Variants in TOP6BL observed in about 807,000 individuals in gnomAD.
TOP6BL encodes the protein type 2 DNA topoisomerase 6 subunit B-like.
the TOP6BL span, chr11:66,800,598 C>T: frequency 6.7e-7 from 1 of 1,497,412 alleles, no homozygotes; most frequent in Non-Finnish European, 9.1e-7. Context: ...TAATCTGTAT[C>T]TTGGCTCATG....
the TOP6BL span, chr11:66,748,407 A>G: frequency 1.0e-5 from 16 of 1,540,588 alleles, no homozygotes; most frequent in Non-Finnish European, 1.4e-5. Context: ...ATTCACTGGA[A>G]GTGTGACATA....
At chr11:66,754,379 CA>C in the TOP6BL span, among the ~76,000 whole-genome samples, 6 of 152,138 alleles carry the variant, frequency 3.9e-5, no homozygotes, top group African/African-American at 1.4e-4. Context: ...ACTTTCTAGG[CA>C]TTATCTTTTT....
chr11:66,824,200 T>C, the TOP6BL span, among the ~76,000 whole-genome samples: 1 of 152,140 alleles, frequency 6.6e-6, no homozygotes, highest in South Asian at 2.1e-4. Context: ...GAGAGGTGAT[T>C]TAGGTCATTA....
At chr11:66,764,023 C>T in the TOP6BL span, among the ~76,000 whole-genome samples, 6 of 152,170 alleles carry the variant, frequency 3.9e-5, no homozygotes, top group Admixed American at 3.3e-4. Context: ...CCTTGTGCTC[C>T]ACTTAAAGGT....
At chr11:66,762,267 C>A in the TOP6BL span, 1 of 512,104 alleles carries the variant, frequency 2.0e-6, no homozygotes, top group East Asian at 3.7e-5. Flanking sequence ...GCAAACTGAG[C>A]AGCCTGAAGG....
At chr11:66,817,493 C>T in the TOP6BL span, among the ~76,000 whole-genome samples, 2 of 152,112 alleles carry the variant, frequency 1.3e-5, no homozygotes, top group African/African-American at 4.8e-5. Context: ...GGCTGGAGTG[C>T]AATAGCGTGA....
the TOP6BL span, among the ~76,000 whole-genome samples, chr11:66,745,272 G>A: frequency 7.3e-6 from 1 of 137,118 alleles, no homozygotes; most frequent in East Asian, 2.5e-4. Context: ...GGCGCGGAAA[G>A]AAGGAAAGGA....
chr11:66,754,875 C>G, the TOP6BL span, among the ~76,000 whole-genome samples: 3 of 152,264 alleles, frequency 2.0e-5, no homozygotes, highest in South Asian at 6.2e-4. Context: ...AGGAGCCAGT[C>G]CCTTGAATGC....
chr11:66,797,954 A>G, the TOP6BL span, among the ~76,000 whole-genome samples: 1 of 152,162 alleles, frequency 6.6e-6, no homozygotes, highest in Non-Finnish European at 1.5e-5. Flanking sequence ...TGTTTCAGTC[A>G]CTATTCTAAG....
chr11:66,820,652 G>A, the TOP6BL span, among the ~76,000 whole-genome samples: 1 of 152,220 alleles, frequency 6.6e-6, no homozygotes, highest in Non-Finnish European at 1.5e-5. Context: ...CAGTACGTCT[G>A]AAAGCACTGC....
chr11:66,839,715 T>TA, the TOP6BL span, among the ~76,000 whole-genome samples: 2 of 152,186 alleles, frequency 1.3e-5, no homozygotes, highest in African/African-American at 4.8e-5. Flanking sequence ...CTGGAGATTT[T>TA]AAAAAATGCA....
At chr11:66,798,290 G>A in the TOP6BL span, among the ~76,000 whole-genome samples, 2 of 152,036 alleles carry the variant, frequency 1.3e-5, no homozygotes, top group Admixed American at 1.3e-4. Flanking sequence ...AATAAAAATG[G>A]ATAGTTCCTT....
chr11:66,829,264 T>C, the TOP6BL span, among the ~76,000 whole-genome samples: 2 of 149,626 alleles, frequency 1.3e-5, no homozygotes, highest in African/African-American at 5.0e-5. Flanking sequence ...CACATGCCTG[T>C]TGTCCCAGCT....
chr11:66,774,762 C>T, the TOP6BL span, among the ~76,000 whole-genome samples: 37 of 151,730 alleles, frequency 2.4e-4, no homozygotes, highest in Admixed American at 9.8e-4. Context: ...TGAGTCACCG[C>T]GCCTGACCTT....
At chr11:66,778,160 C>G in the TOP6BL span, among the ~76,000 whole-genome samples, 1 of 151,418 alleles carries the variant, frequency 6.6e-6, no homozygotes, top group Admixed American at 6.6e-5. Flanking sequence ...CCTCAGCCTC[C>G]CAAATTGCTG....
At chr11:66,748,371 CTT>C in the TOP6BL span, 13 of 1,530,608 alleles carry the variant, frequency 8.5e-6, no homozygotes, top group African/African-American at 1.4e-5. Flanking sequence ...GAATTGTGCT[CTT>C]TTCAGATTTT....
chr11:66,801,244 C>T, the TOP6BL span: 3 of 804,242 alleles, frequency 3.7e-6, no homozygotes, highest in Non-Finnish European at 2.0e-6. Context: ...AGAAGTAAAA[C>T]TTTTTTTTAT....
the TOP6BL span, chr11:66,828,410 T>C: frequency 1.4e-6 from 2 of 1,434,152 alleles, no homozygotes; most frequent in South Asian, 2.4e-5. Flanking sequence ...TCCATTTTGA[T>C]ATATGGGAAT....
chr11:66,832,097 CT>C, the TOP6BL span, among the ~76,000 whole-genome samples: 48 of 141,648 alleles, frequency 3.4e-4, no homozygotes, highest in South Asian at 9.0e-3. Context: ...TGGACACTTT[CT>C]TTTTTTTTTC....
Sources: allele counts gnomAD v4.1 joint callset (sites outside exome capture counted in the v4.1 genomes callset), GRCh38; gene constraint gnomAD v4.1.1; transcripts MANE v1.5; gene names NCBI Gene and HGNC (gene_info 2026-07-23, HGNC 2026-07-21).